SH3KBP1: variants seen among roughly 807,000 people sequenced by gnomAD.
SH3KBP1 encodes the protein SH3 domain containing kinase binding protein 1.
In SH3KBP1, 8 loss-of-function variants were observed where a neutral mutation model predicts 50.1. The observed-to-expected ratio is 0.16, with a 90% CI of 0.09 to 0.29. The LOEUF (loss-of-function observed/expected upper bound fraction) is 0.29, where lower values mean the gene tolerates loss of function less well. Among genes scored for constraint, SH3KBP1 ranks in the 10% least tolerant of loss-of-function variants. The probability of loss-of-function intolerance (pLI) is 1.00; values close to 1 mark genes in which losing one functional copy is unlikely to be tolerated. For synonymous variants in SH3KBP1, 227 were observed against 218.6 expected, an observed-to-expected ratio of 1.04 and a Z score of -0.34; for missense variants, 377 against 535.2, an observed-to-expected ratio of 0.70 and a Z score of 2.92.
chrX:19,717,521 T>C (rs1263661321), intron 3 of SH3KBP1, among the ~76,000 whole-genome samples: 5 of 111,845 alleles, frequency 4.5e-5, no homozygotes, highest in Non-Finnish European at 9.4e-5. Context: ...TGAGCCATGA[T>C]TGTGCCACTG....
At chrX:19,659,856 C>T (rs5955572) in intron 6 of SH3KBP1, among the ~76,000 whole-genome samples, 29,479 of 111,904 alleles carry the variant, frequency 0.26, 4,181 homozygotes, top group African/African-American at 0.55. Flanking sequence ...CTTATATTTA[C>T]GGCTGCTTCT....
intron 9 of SH3KBP1, among the ~76,000 whole-genome samples, chrX:19,604,280 T>G (rs753020020): frequency 6.3e-5 from 7 of 111,952 alleles, no homozygotes; most frequent in Non-Finnish European, 9.4e-5. Context: ...GATCAACGGA[T>G]GCTCTTCTGG....
intron 2 of SH3KBP1, among the ~76,000 whole-genome samples, chrX:19,767,465 C>T (rs1220268302): frequency 4.5e-5 from 5 of 112,326 alleles, no homozygotes; most frequent in African/African-American, 9.7e-5. Context: ...TCTTAATAAA[C>T]AATTCACAAA....
At chrX:19,682,280 C>T (rs1260816589) in intron 6 of SH3KBP1, among the ~76,000 whole-genome samples, 1 of 108,309 alleles carries the variant, frequency 9.2e-6, no homozygotes, top group African/African-American at 3.4e-5. Context: ...TCAACAGTAA[C>T]TCAATTTATT....
At chrX:19,663,550 A>T (rs2062517316) in intron 6 of SH3KBP1, among the ~76,000 whole-genome samples, 1 of 111,550 alleles carries the variant, frequency 9.0e-6, no homozygotes. Context: ...GAACATGGTG[A>T]CAAAGGAAGA....
At chrX:19,571,020 G>A (rs1289020807) in intron 12 of SH3KBP1, among the ~76,000 whole-genome samples, 1 of 111,875 alleles carries the variant, frequency 8.9e-6, no homozygotes, top group Admixed American at 9.4e-5. Context: ...GGGAGAAAAG[G>A]ACCAATGGAA....
chrX:19,603,270 T>A (rs1285807895), intron 9 of SH3KBP1, among the ~76,000 whole-genome samples: 3 of 112,296 alleles, frequency 2.7e-5, no homozygotes, highest in African/African-American at 3.2e-5. Context: ...TTTTGATTCC[T>A]TGCCCTCCCG....
intron 1 of SH3KBP1, among the ~76,000 whole-genome samples, chrX:19,858,726 C>G (rs1189167584): frequency 8.9e-6 from 1 of 112,357 alleles, no homozygotes; most frequent in Non-Finnish European, 1.9e-5. Flanking sequence ...TCATCACACT[C>G]CATATAGATT....
chrX:19,739,929 C>A (rs941139250), intron 3 of SH3KBP1, among the ~76,000 whole-genome samples: 1 of 110,229 alleles, frequency 9.1e-6, no homozygotes, highest in Non-Finnish European at 1.9e-5. Context: ...AGGAGTATGG[C>A]GGGAGTCTTA....
At chrX:19,608,073 A>G (rs2067294195) in intron 8 of SH3KBP1, 28 bp from the exon 9 acceptor site, 1 of 1,152,431 alleles carries the variant, frequency 8.7e-7, no homozygotes. Flanking sequence ...AGAGAGTGAG[A>G]GATGGGGGCA....
At chrX:19,803,798 T>C (rs901935271) in intron 2 of SH3KBP1, among the ~76,000 whole-genome samples, 2 of 111,842 alleles carry the variant, frequency 1.8e-5, no homozygotes, top group Admixed American at 9.5e-5. Flanking sequence ...CAAAACTCCA[T>C]GGTGGTATCT....
rs1233389111 is a variant in SH3KBP1, at chrX:19,811,652, T to C, written c.162+24473A>G. On this transcript the variant is annotated intron_variant, in intron 2 of 17. Transcript: ENST00000397821. ...GGTTTTAATGTTAATTTACTTTTTC[T>C]TCCATGATACGCAAAAACAGTCCCT... 5.3e-5 allele frequency among the ~76,000 whole-genome samples: 6 copies of C among 112,422 alleles called. No individual in the cohort carries two copies. In the East Asian group the frequency reaches 1.7e-3, roughly 31 times the overall value.
intron 7 of SH3KBP1, among the ~76,000 whole-genome samples, chrX:19,636,370 C>T (rs954266204): frequency 1.0e-4 from 11 of 108,933 alleles, no homozygotes; most frequent in African/African-American, 3.0e-4. Context: ...CATACACACA[C>T]ACACTCAAAT....
chrX:19,823,678 T>C (rs1384908844), intron 2 of SH3KBP1, among the ~76,000 whole-genome samples: 1 of 112,410 alleles, frequency 8.9e-6, no homozygotes, highest in East Asian at 2.8e-4. Context: ...TGATAGCTCA[T>C]CACATGTAGA....
intron 2 of SH3KBP1, among the ~76,000 whole-genome samples, chrX:19,833,590 T>C (rs1461618217): frequency 9.7e-6 from 1 of 102,956 alleles, no homozygotes; most frequent in African/African-American, 3.6e-5. Context: ...CCTAGGGTCC[T>C]CCTCCCTCTT....
At chrX:19,553,999 TAAAATATAATATATAATATATATTA>T (rs2065345640) in intron 13 of SH3KBP1, among the ~76,000 whole-genome samples, 3 of 63,849 alleles carry the variant, frequency 4.7e-5, no homozygotes, top group African/African-American at 2.5e-4. Context: ...TAATATATAT[TAAAATATAATATATAATATATATTA>T]AAATATAATA....
intron 12 of SH3KBP1, among the ~76,000 whole-genome samples, chrX:19,571,762 A>G (rs1159240720): frequency 9.0e-6 from 1 of 110,747 alleles, no homozygotes; most frequent in Admixed American, 9.6e-5. Context: ...ATCAAAACTT[A>G]TAAGACCACA....
At chrX:19,584,722 G>A (rs1204178471) in intron 12 of SH3KBP1, among the ~76,000 whole-genome samples, 1 of 111,528 alleles carries the variant, frequency 9.0e-6, no homozygotes, top group African/African-American at 3.3e-5. Context: ...TCTGAAAGAT[G>A]TTAGCTCCTG....
rs370981395 is a variant in SH3KBP1, at chrX:19,535,364, C to T, written c.*1053G>A. The T allele has an allele frequency of 1.3e-3, 209 of 154,978 alleles. 4 individuals carry two copies. In the South Asian group the frequency reaches 0.025, roughly 19 times the overall value. 12.8% of individuals were successfully genotyped at this position (154,978 alleles called of 1,213,427 possible). A position where few individuals can be genotyped will look rare whatever the true frequency, so the allele number is the denominator to read the frequency against. ...AATACAGTTTAAACGATAACACACA[C>T]GGGTAACCCAGTGCAGGAAATAATA... is the stretch of plus-strand genomic sequence containing the variant. On this transcript the variant is annotated 3_prime_UTR_variant, in exon 18 of 18. Transcript: ENST00000397821.
Sources: allele counts gnomAD v4.1 joint callset (sites outside exome capture counted in the v4.1 genomes callset), GRCh38; gene constraint gnomAD v4.1.1; transcripts MANE v1.5; gene names NCBI Gene and HGNC (gene_info 2026-07-23, HGNC 2026-07-21).